EPM2A: variants seen among roughly 807,000 people sequenced by gnomAD.
EPM2A encodes the protein laforin.
A neutral mutation model predicts 26.5 loss-of-function variants in EPM2A; 21 were observed. The ratio of observed to expected loss-of-function variants is 0.79; its 90% confidence interval spans 0.56 to 1.14. EPM2A has a LOEUF of 1.14. Among genes scored for constraint, EPM2A ranks in the 50% most tolerant of loss-of-function variants. The pLI, the probability that EPM2A is intolerant of heterozygous loss-of-function variation, is 0.00. For synonymous variants in EPM2A, 217 were observed against 177.6 expected (o/e 1.22, Z -1.76); for missense variants, 458 against 440.8 (o/e 1.04, Z -0.35).
chr6:145,471,333 G>C (rs567610082), intron 4 of EPM2A, among the ~76,000 whole-genome samples: 6 of 152,148 alleles, frequency 3.9e-5, no homozygotes, highest in African/African-American at 1.4e-4. Flanking sequence ...TCAGTTGAGA[G>C]GTGGAGTAAG....
At chr6:145,443,048 T>TG (rs200711945) in intron 4 of EPM2A, among the ~76,000 whole-genome samples, 3 of 151,546 alleles carry the variant, frequency 2.0e-5, no homozygotes, top group African/African-American at 7.3e-5. Context: ...TGTGTGTGTG[T>TG]TTTTAGTAGA....
chr6:145,719,781 C>T (rs1775853867), intron 1 of EPM2A, among the ~76,000 whole-genome samples: 1 of 152,044 alleles, frequency 6.6e-6, no homozygotes, highest in Non-Finnish European at 1.5e-5. Context: ...ATCACAATTC[C>T]AGGTGTATAA....
In EPM2A at chr6:145,415,245, T is replaced by C. The variant is rs183306255; in HGVS notation, c.556-31148A>G. 3.1e-3 allele frequency among the ~76,000 whole-genome samples: 468 copies of C among 152,342 alleles called. 1 individual carries two copies. The highest frequency in any genetic ancestry group is 5.2e-3 in the Non-Finnish European group (351 of 68,024). On this transcript the variant is annotated intron_variant, in intron 4 of 4. Coordinates refer to the EPM2A transcript ENST00000638717. Reference sequence around the variant, plus strand: ...GGAGAACATTCAATATGTTAAAATGTGTGGCCTGACAATGTACGGTTTTCA... The same window carrying C: ...GGAGAACATTCAATATGTTAAAATGCGTGGCCTGACAATGTACGGTTTTCA...
At chr6:145,727,328 G>T (rs1017513717) in intron 1 of EPM2A, among the ~76,000 whole-genome samples, 4 of 152,148 alleles carry the variant, frequency 2.6e-5, no homozygotes, top group African/African-American at 9.7e-5. Context: ...TTCTACAGAT[G>T]AGAAATACAG....
intron 4 of EPM2A, among the ~76,000 whole-genome samples, chr6:145,395,778 C>A (rs1445432790): frequency 1.3e-5 from 2 of 152,142 alleles, no homozygotes; most frequent in Non-Finnish European, 2.9e-5. Flanking sequence ...AAAGGAAACT[C>A]CCTTACTCAA....
intron 2 of EPM2A, among the ~76,000 whole-genome samples, chr6:145,594,407 G>T (rs975563599): frequency 6.6e-6 from 1 of 151,570 alleles, no homozygotes; most frequent in East Asian, 1.9e-4. Flanking sequence ...TTCCCATAAC[G>T]TCTTCCAGAA....
intron 4 of EPM2A, among the ~76,000 whole-genome samples, chr6:145,463,022 A>T (rs1779345562): frequency 6.6e-6 from 1 of 152,152 alleles, no homozygotes; most frequent in Admixed American, 6.6e-5. Flanking sequence ...TATATAAAAA[A>T]CATTTTATTT....
chr6:145,560,936 T>C (rs555582492), intron 2 of EPM2A, among the ~76,000 whole-genome samples: 7 of 152,150 alleles, frequency 4.6e-5, no homozygotes, highest in Non-Finnish European at 8.8e-5. Context: ...GTTTCTATTG[T>C]TACCATAAAA....
At chr6:145,709,385 G>C (rs886139904) in intron 1 of EPM2A, among the ~76,000 whole-genome samples, 1 of 152,116 alleles carries the variant, frequency 6.6e-6, no homozygotes, top group Non-Finnish European at 1.5e-5. Flanking sequence ...TTGAATCATG[G>C]GGGAGGGCTT....
chr6:145,549,389 T>G (rs942308572), intron 2 of EPM2A, among the ~76,000 whole-genome samples: 2 of 152,130 alleles, frequency 1.3e-5, no homozygotes, highest in Admixed American at 6.6e-5. Flanking sequence ...TTTTCATGAT[T>G]TATACAAGGC....
At position 145,735,382 on chromosome 6, in the gene EPM2A, G is replaced by A; in HGVS notation, c.117C>T (p.Arg39=). 7 of 1,217,920 alleles carry A rather than the reference G, an allele frequency of 5.7e-6. No homozygotes were observed. The highest frequency in any genetic ancestry group is 7.1e-6 in the Non-Finnish European group (7 of 980,848). 75.4% of individuals were successfully genotyped at this position (1,217,920 alleles called of 1,614,324 possible). The change falls in exon 1 of 4, where the codon CGC becomes CGT. Residue 39 remains arginine (R), a synonymous_variant. Coordinates refer to ENST00000367519, the MANE Select transcript of EPM2A (RefSeq NM_005670.4). The part of the protein sequence containing the change: ...LGRWEPRGAV[R]LRPAGTAAGD... ...CCGCCGCGGTGCCGGCCGGCCTCAG[G>A]CGGACGGCACCGCGCGGCTCCCAAC... is the stretch of plus-strand genomic sequence containing the variant.
intron 4 of EPM2A, among the ~76,000 whole-genome samples, chr6:145,436,266 C>T (rs996215353): frequency 1.3e-5 from 2 of 152,172 alleles, no homozygotes; most frequent in Non-Finnish European, 2.9e-5. Flanking sequence ...ATTTGGGTTG[C>T]TACTGCTTCT....
At chr6:145,498,594 T>C (rs1779850462), downstream of EPM2A, among the ~76,000 whole-genome samples, 1 of 152,214 alleles carries the variant, frequency 6.6e-6, no homozygotes, top group Admixed American at 6.5e-5. Flanking sequence ...TGCACATTCA[T>C]TAACCACTTC....
intron 4 of EPM2A, among the ~76,000 whole-genome samples, chr6:145,411,906 G>A (rs1161889181): frequency 6.6e-6 from 1 of 152,114 alleles, no homozygotes; most frequent in South Asian, 2.1e-4. Context: ...ACCTTTGCAG[G>A]TACAGACTTG....
chr6:145,462,823 A>G (rs1779342892), intron 4 of EPM2A, among the ~76,000 whole-genome samples: 1 of 152,202 alleles, frequency 6.6e-6, no homozygotes, highest in African/African-American at 2.4e-5. Context: ...TAAAGCCTCA[A>G]TAAAGATGAC....
intron 2 of EPM2A, among the ~76,000 whole-genome samples, chr6:145,683,043 T>A (rs1336180932): frequency 6.6e-6 from 1 of 152,186 alleles, no homozygotes; most frequent in Non-Finnish European, 1.5e-5. Flanking sequence ...TTCAATTTAA[T>A]AATGAAATAT....
At chr6:145,677,725 T>C (rs1780171043) in intron 2 of EPM2A, among the ~76,000 whole-genome samples, 1 of 152,146 alleles carries the variant, frequency 6.6e-6, no homozygotes, top group Admixed American at 6.5e-5. Flanking sequence ...TTACAAGGGA[T>C]GTGAAGGACC....
intron 1 of EPM2A, among the ~76,000 whole-genome samples, chr6:145,728,580 T>C (rs1287738651): frequency 1.3e-5 from 2 of 152,294 alleles, no homozygotes; most frequent in African/African-American, 4.8e-5. Context: ...GTGGAAGAAA[T>C]TTCTAAGCAG....
intron 4 of EPM2A, chr6:145,491,724 C>A: frequency 2.0e-6 from 1 of 496,876 alleles, no homozygotes; most frequent in Admixed American, 2.2e-5. Context: ...CCCAGAATTT[C>A]CCTGCCTCCT....
Sources: allele counts gnomAD v4.1 joint callset (sites outside exome capture counted in the v4.1 genomes callset), GRCh38; gene constraint gnomAD v4.1.1; transcripts MANE v1.5; gene names NCBI Gene and HGNC (gene_info 2026-07-23, HGNC 2026-07-21).